Variants in CPNE3 observed in about 807,000 individuals in gnomAD.
The protein encoded by CPNE3 is copine-3.
Under a neutral mutation model 63.9 loss-of-function variants are expected in CPNE3, and 68 were observed. That is an observed-to-expected ratio of 1.06 (90% CI 0.87 to 1.30). CPNE3 has a LOEUF of 1.30. Among genes scored for constraint, CPNE3 ranks in the 50% most tolerant of loss-of-function variants. The pLI, the probability that CPNE3 is intolerant of heterozygous loss-of-function variation, is 0.00. For synonymous variants in CPNE3, 219 were observed against 197.5 expected, an observed-to-expected ratio of 1.11 and a Z score of -0.91; for missense variants, 665 against 578.1, an observed-to-expected ratio of 1.15 and a Z score of -1.54.
Position 86,548,448 on chromosome 8 carries a change from T to G in CPNE3, c.1013+14T>G, listed in dbSNP as rs748882981. 53 of 1,613,456 alleles carry G rather than the reference T, an allele frequency of 3.3e-5. 1 individual carries two copies. The South Asian group carries it at 4.3e-4, about 13-fold the overall frequency. ...AGATTATGATGCGTGAGTATGACTTTGGAAAAACTAAAATACATGTTTTCA... is the reference window on the plus strand; with the variant it reads ...AGATTATGATGCGTGAGTATGACTTGGGAAAAACTAAAATACATGTTTTCA... On this transcript the variant is annotated intron_variant, in intron 12 of 16. Transcript: ENST00000517490.
At chr8:86,544,944 TC>T in intron 9 of CPNE3, 106 bp downstream of exon 9, 1 of 549,312 alleles carries the variant, frequency 1.8e-6, no homozygotes, top group Non-Finnish European at 3.1e-6. Flanking sequence ...ATGCTTTTAG[TC>T]TATATTGCAT....
chr8:86,539,582 C>A (rs984983445), intron 7 of CPNE3, among the ~76,000 whole-genome samples: 3 of 151,060 alleles, frequency 2.0e-5, no homozygotes, highest in African/African-American at 7.3e-5. Context: ...CTATATTTAC[C>A]TTTTCTTATT....
chr8:86,537,760 A>T (rs1260269625), intron 7 of CPNE3, 114 bp downstream of exon 7: 1 of 670,970 alleles, frequency 1.5e-6, no homozygotes, highest in African/African-American at 1.8e-5. Flanking sequence ...ACTTACATAT[A>T]GCCAGAGACA....
intron 12 of CPNE3, among the ~76,000 whole-genome samples, chr8:86,548,772 G>A (rs1563698159): frequency 6.6e-6 from 1 of 152,096 alleles, no homozygotes; most frequent in Non-Finnish European, 1.5e-5. Context: ...TTGTATGAGT[G>A]ATTGAAGCCC....
At chr8:86,535,443 G>A (rs934086887) in intron 6 of CPNE3, among the ~76,000 whole-genome samples, 6 of 152,072 alleles carry the variant, frequency 3.9e-5, no homozygotes, top group African/African-American at 9.7e-5. Flanking sequence ...GGAGGTGGGT[G>A]GAACACTTGA....
At chr8:86,550,957 A>C in intron 12 of CPNE3, 89 bp from the exon 13 acceptor site, 1 of 1,259,728 alleles carries the variant, frequency 7.9e-7, no homozygotes, top group Non-Finnish European at 1.1e-6. Context: ...ACTTTTTGAA[A>C]TGAGCTCATA....
At chr8:86,526,220 T>C (rs1173523119) in intron 2 of CPNE3, among the ~76,000 whole-genome samples, 2 of 151,076 alleles carry the variant, frequency 1.3e-5, no homozygotes, top group Non-Finnish European at 2.9e-5. Flanking sequence ...AGAGCAAGAC[T>C]CCGTCTCAAA....
chr8:86,542,722 G>A lies in CPNE3; in HGVS notation c.634-2018G>A, dbSNP rs1366690752. On this transcript the variant is annotated intron_variant, in intron 8 of 16. Coordinates refer to ENST00000517490, the MANE Select transcript of CPNE3 (RefSeq NM_003909.5). ...TGAAAAGAGAGAAATTAAATGACAC[G>A]AATTGTCTTACCTCATACCGTATCT... 2.0e-5 allele frequency among the ~76,000 whole-genome samples: 3 copies of A among 151,868 alleles called. No homozygotes were observed. In the South Asian group the frequency reaches 6.2e-4, roughly 31 times the overall value.
intron 14 of CPNE3, among the ~76,000 whole-genome samples, chr8:86,553,478 T>C (rs1821238308): frequency 6.6e-6 from 1 of 152,182 alleles, no homozygotes; most frequent in African/African-American, 2.4e-5. Flanking sequence ...TGTAAAGACA[T>C]AGAAAAGGTA....
At chr8:86,515,019 G>C (rs1210052460) in intron 1 of CPNE3, 1 of 152,264 alleles carries the variant, frequency 6.6e-6, no homozygotes, top group East Asian at 1.9e-4. Context: ...CCAGTTGAGC[G>C]GGGGGCGCGC....
intron 2 of CPNE3, among the ~76,000 whole-genome samples, chr8:86,527,611 A>T (rs1221016799): frequency 1.3e-5 from 2 of 152,162 alleles, no homozygotes; most frequent in Non-Finnish European, 2.9e-5. Flanking sequence ...TTGTACCCTA[A>T]ACCAGTTAAA....
chr8:86,522,040 T>C (rs1191541488), intron 2 of CPNE3, among the ~76,000 whole-genome samples: 1 of 152,216 alleles, frequency 6.6e-6, no homozygotes, highest in Non-Finnish European at 1.5e-5. Context: ...CTTATTCTTC[T>C]ACTCCCCACT....
chr8:86,526,206 C>T (rs576195898), intron 2 of CPNE3, among the ~76,000 whole-genome samples: 10 of 150,712 alleles, frequency 6.6e-5, no homozygotes, highest in Non-Finnish European at 1.5e-4. Context: ...ACAGCCTGGA[C>T]GACAGAGCAA....
At chr8:86,531,626 G>A (rs886691622) in intron 5 of CPNE3, among the ~76,000 whole-genome samples, 7 of 151,970 alleles carry the variant, frequency 4.6e-5, no homozygotes, top group African/African-American at 1.7e-4. Context: ...ATTCCAGAAG[G>A]ATGTTATATT....
At position 86,528,956 on chromosome 8, in the gene CPNE3, A is replaced by C; in HGVS notation, c.144A>C (p.Thr48=). 1 of 1,612,932 alleles carries C rather than the reference A, an allele frequency of 6.2e-7. No homozygotes were observed. Residue 48 remains threonine (T), a synonymous_variant, in exon 4 of 17, where the codon ACA becomes ACC. Coordinates refer to ENST00000517490, the MANE Select transcript of CPNE3 (RefSeq NM_003909.5). ...SGQQWYEVER[T]ERIKNCLNPQ... Reference sequence around the variant, plus strand: ...GCGGATGGGTGTAGGTTGAGCGCACAGAAAGGATTAAGAATTGCTTGAATC... The same window carrying C: ...GCGGATGGGTGTAGGTTGAGCGCACCGAAAGGATTAAGAATTGCTTGAATC...
At chr8:86,549,671 C>A (rs1045862941) in intron 12 of CPNE3, among the ~76,000 whole-genome samples, 10 of 152,212 alleles carry the variant, frequency 6.6e-5, no homozygotes, top group African/African-American at 2.4e-4. Flanking sequence ...GTTTATTTCA[C>A]TTCACATTGC....
intron 2 of CPNE3, among the ~76,000 whole-genome samples, chr8:86,515,943 A>C (rs1035022965): frequency 6.6e-6 from 1 of 152,242 alleles, no homozygotes. Context: ...AAGGGAACTG[A>C]AAACAGATGA....
intron 8 of CPNE3, among the ~76,000 whole-genome samples, chr8:86,543,587 C>T (rs1440696908): frequency 6.6e-6 from 1 of 152,060 alleles, no homozygotes; most frequent in African/African-American, 2.4e-5. Context: ...ATTACAGGCT[C>T]TAGGATTTCA....
At position 86,547,710 on chromosome 8, in the gene CPNE3, G is replaced by A. The variant is rs540411053; in HGVS notation, c.820-1G>A. ...AATTTTAAGTTTTCTCTTATTTTTA[G>A]ATTACAGTAGAATGCACATTCCTTG... On this transcript the variant is annotated splice_acceptor_variant, in intron 10 of 16. Transcript: ENST00000517490. LOFTEE classifies it high-confidence loss of function. The A allele has an allele frequency of 1.7e-6, 2 of 1,212,116 alleles. No individual in the cohort carries two copies. Among genetic ancestry groups the A allele is most frequent in the African/African-American group, 1.5e-5 (1 of 67,354 alleles). 75.1% of individuals were successfully genotyped at this position (1,212,116 alleles called of 1,614,324 possible).
Sources: allele counts gnomAD v4.1 joint callset (sites outside exome capture counted in the v4.1 genomes callset), GRCh38; gene constraint gnomAD v4.1.1; transcripts MANE v1.5; gene names NCBI Gene and HGNC (gene_info 2026-07-23, HGNC 2026-07-21).